SGCD: variants seen among roughly 807,000 people sequenced by gnomAD.
The protein encoded by SGCD is sarcoglycan delta.
In SGCD, 18 loss-of-function variants were observed where a neutral mutation model predicts 36.6. The ratio of observed to expected loss-of-function variants is 0.49; its 90% confidence interval spans 0.34 to 0.73. The LOEUF (loss-of-function observed/expected upper bound fraction) is 0.73, where lower values mean the gene tolerates loss of function less well. SGCD is among the 30% of genes least tolerant of loss of function. The pLI is 0.01. For synonymous variants in SGCD, 133 were observed against 130.6 expected (o/e 1.02, Z -0.12); for missense variants, 387 against 346.7 (o/e 1.12, Z -0.92).
chr5:156,712,381 G>C (rs552502724), intron 7 of SGCD, among the ~76,000 whole-genome samples: 1 of 152,186 alleles, frequency 6.6e-6, no homozygotes, highest in South Asian at 2.1e-4. Context: ...TTGGTATAGA[G>C]AGTGTTGTGG....
chr5:156,667,307 G>A (rs1753090021), intron 7 of SGCD, among the ~76,000 whole-genome samples: 1 of 152,168 alleles, frequency 6.6e-6, no homozygotes, highest in Non-Finnish European at 1.5e-5. Flanking sequence ...CTTCTTAGCT[G>A]TAGGTACTTG....
At chr5:155,932,855 T>G (rs1473196795) in intron 1 of SGCD, among the ~76,000 whole-genome samples, 1 of 150,896 alleles carries the variant, frequency 6.6e-6, no homozygotes, top group African/African-American at 2.4e-5. Context: ...AAAGATGGAG[T>G]CATTTAAGGT....
At chr5:156,124,693 G>C (rs1762128321) in intron 3 of SGCD, among the ~76,000 whole-genome samples, 1 of 152,092 alleles carries the variant, frequency 6.6e-6, no homozygotes, top group Non-Finnish European at 1.5e-5. Context: ...CTGTGCGTGT[G>C]TATGTGTGCG....
chr5:156,630,137 A>G (rs751583961), intron 6 of SGCD, among the ~76,000 whole-genome samples: 2 of 152,176 alleles, frequency 1.3e-5, no homozygotes, highest in Non-Finnish European at 2.9e-5. Flanking sequence ...TGCTGGGATT[A>G]CAGGCCTGAG....
At chr5:156,255,631 T>C (rs1765695752) in intron 3 of SGCD, among the ~76,000 whole-genome samples, 1 of 152,106 alleles carries the variant, frequency 6.6e-6, no homozygotes, top group Non-Finnish European at 1.5e-5. Flanking sequence ...TTAAAAATTG[T>C]TGGCTTATAG....
rs570062966 is a variant in SGCD, at chr5:156,423,925, C to T, written c.192+79248C>T. On this transcript the variant is annotated intron_variant, in intron 3 of 8. Coordinates refer to ENST00000337851, the MANE Select transcript of SGCD (RefSeq NM_000337.6). Reference sequence around the variant, plus strand: ...CAGTGATGGCCAATACAACTATTATCGTCATCATCATGGTCATATTATAGT... The same window carrying T: ...CAGTGATGGCCAATACAACTATTATTGTCATCATCATGGTCATATTATAGT... 2.2e-4 allele frequency among the ~76,000 whole-genome samples: 34 copies of T among 152,004 alleles called. No individual in the cohort carries two copies. The South Asian group carries it at 2.3e-3, about 10-fold the overall frequency.
At chr5:156,594,479 A>G (rs1263643061) in intron 5 of SGCD, among the ~76,000 whole-genome samples, 1 of 152,194 alleles carries the variant, frequency 6.6e-6, no homozygotes, top group Non-Finnish European at 1.5e-5. Flanking sequence ...GGTTAAGGGT[A>G]CAAAGTTAAA....
At chr5:155,991,720 T>C (rs990075809) in intron 1 of SGCD, among the ~76,000 whole-genome samples, 2 of 152,244 alleles carry the variant, frequency 1.3e-5, no homozygotes, top group African/African-American at 4.8e-5. Flanking sequence ...CAACATTATC[T>C]CAGTTTATTA....
intron 5 of SGCD, among the ~76,000 whole-genome samples, chr5:156,593,441 A>G (rs1760803677): frequency 1.3e-5 from 2 of 152,278 alleles, no homozygotes; most frequent in East Asian, 3.9e-4. Context: ...TAGCAAAACT[A>G]TCAACATTGT....
rs375822499 is a variant in SGCD, at chr5:156,244,273, G to A, written c.-43-85261G>A. Among the ~76,000 whole-genome samples the A allele has an allele frequency of 1.4e-4, 21 of 152,268 alleles. No individual in the cohort carries two copies. The East Asian group carries it at 1.9e-3, about 14-fold the overall frequency. On this transcript the variant is annotated intron_variant, in intron 3 of 9. Coordinates refer to the SGCD transcript ENST00000517913. ...ACCCTGATAGTCAAGAAAAAAAATTGAGGAACCGTGTCCAGTTGAAAGAGC... is the reference window on the plus strand; with the variant it reads ...ACCCTGATAGTCAAGAAAAAAAATTAAGGAACCGTGTCCAGTTGAAAGAGC...
At chr5:155,991,206 T>C (rs61217176) in intron 1 of SGCD, among the ~76,000 whole-genome samples, 6,921 of 152,298 alleles carry the variant, frequency 0.045, 555 homozygotes, top group African/African-American at 0.16. Flanking sequence ...TTATTCTCTC[T>C]AGAGCAACAT....
intron 4 of SGCD, among the ~76,000 whole-genome samples, chr5:156,523,946 C>T (rs1426091095): frequency 6.7e-6 from 1 of 150,178 alleles, no homozygotes; most frequent in African/African-American, 2.5e-5. Flanking sequence ...TTAAGTAGAA[C>T]ACCATATATT....
At chr5:156,028,890 TA>T (rs1759281133) in intron 1 of SGCD, among the ~76,000 whole-genome samples, 1 of 152,202 alleles carries the variant, frequency 6.6e-6, no homozygotes, top group Non-Finnish European at 1.5e-5. Flanking sequence ...TATTACTAAT[TA>T]AAAGACATAC....
chr5:155,789,265 A>G, the SGCD span, among the ~76,000 whole-genome samples: 8 of 152,120 alleles, frequency 5.3e-5, no homozygotes, highest in Non-Finnish European at 8.8e-5. Flanking sequence ...GCAAAATAAA[A>G]TATCAGGCAT....
At chr5:156,597,149 G>C (rs76814622) in intron 6 of SGCD, among the ~76,000 whole-genome samples, 5,431 of 152,162 alleles carry the variant, frequency 0.036, 326 homozygotes, top group African/African-American at 0.12. Context: ...TGTAAAATTA[G>C]AGTTACCTAG....
chr5:156,075,380 T>TA (rs1418925394), intron 1 of SGCD, among the ~76,000 whole-genome samples: 2 of 151,602 alleles, frequency 1.3e-5, no homozygotes, highest in Non-Finnish European at 2.9e-5. Context: ...ATTTGACATA[T>TA]AAAAAATAAA....
intron 3 of SGCD, among the ~76,000 whole-genome samples, chr5:156,496,552 T>G (rs568764144): frequency 7.9e-5 from 12 of 152,278 alleles, no homozygotes; most frequent in African/African-American, 2.6e-4. Context: ...ATGTACTATC[T>G]GTCTTCTCTG....
At chr5:156,676,854 T>C (rs1329390535) in intron 7 of SGCD, among the ~76,000 whole-genome samples, 1 of 152,228 alleles carries the variant, frequency 6.6e-6, no homozygotes, top group African/African-American at 2.4e-5. Flanking sequence ...ATGCTTGCTA[T>C]GTGTCTGCCT....
intron 7 of SGCD, among the ~76,000 whole-genome samples, chr5:156,737,454 T>C (rs535454018): frequency 6.6e-6 from 1 of 152,334 alleles, no homozygotes; most frequent in Admixed American, 6.5e-5. Flanking sequence ...TATGCAATAA[T>C]TTTTAGGTAT....
Sources: allele counts gnomAD v4.1 joint callset (sites outside exome capture counted in the v4.1 genomes callset), GRCh38; gene constraint gnomAD v4.1.1; transcripts MANE v1.5; gene names NCBI Gene and HGNC (gene_info 2026-07-23, HGNC 2026-07-21).